Variants in CRISPLD1 observed in about 807,000 individuals in gnomAD.
CRISPLD1 encodes cysteine rich secretory protein LCCL domain containing 1.
CRISPLD1 carries 60 observed loss-of-function variants against 77.5 expected under a neutral mutation model. That is an observed-to-expected ratio of 0.77 (90% CI 0.63 to 0.96). The LOEUF is 0.96. Ranked by LOEUF, CRISPLD1 falls within the 40% of genes least tolerant of loss-of-function variation. The pLI is 0.00. For synonymous variants in CRISPLD1, 195 were observed against 200.1 expected (o/e 0.97, Z 0.22); for missense variants, 623 against 615.8 (o/e 1.01, Z -0.12).
chr8:75,010,658 C>T (rs1812913432), intron 2 of CRISPLD1, among the ~76,000 whole-genome samples: 1 of 151,844 alleles, frequency 6.6e-6, no homozygotes, highest in Non-Finnish European at 1.5e-5. Flanking sequence ...AAAATATCTT[C>T]TCTCTCTCAT....
intron 2 of CRISPLD1, among the ~76,000 whole-genome samples, chr8:74,987,486 CA>C (rs1390178503): frequency 6.6e-6 from 1 of 152,168 alleles, no homozygotes; most frequent in African/African-American, 2.4e-5. Flanking sequence ...AGCTCATTAG[CA>C]AACATACTTC....
In CRISPLD1 at chr8:74,984,517, CGCCTGGTTCTGCGCGT is replaced by C. The variant is rs1812464918; in HGVS notation, c.-465_-450del. The C allele has an allele frequency of 6.6e-6, 1 of 152,270 alleles. No homozygotes were observed. 9.4% of individuals were successfully genotyped at this position (152,270 alleles called of 1,614,324 possible). ...GCGAGAGAGCGACGGAAGCGCTAGG[CGCCTGGTTCTGCGCGT>C]ACTGGCTGTACGGAGCAGGAGCAAG... On this transcript the variant is annotated 5_prime_UTR_variant, in exon 1 of 15. Transcript: ENST00000262207.
intron 2 of CRISPLD1, among the ~76,000 whole-genome samples, chr8:74,994,025 C>T (rs148584501): frequency 1.3e-5 from 2 of 152,224 alleles, no homozygotes; most frequent in East Asian, 3.9e-4. Flanking sequence ...TGATAAGAAG[C>T]CATTTGAGGC....
chr8:74,997,065 G>T lies in CRISPLD1; in HGVS notation c.258+10820G>T, dbSNP rs144804165. Among the ~76,000 whole-genome samples the T allele has an allele frequency of 1.5e-3, 229 of 152,200 alleles. 1 individual carries two copies. Among genetic ancestry groups the T allele is most frequent in the African/African-American group, 5.4e-3 (224 of 41,538 alleles). On this transcript the variant is annotated intron_variant, in intron 2 of 14. Transcript: ENST00000262207. ...AGTGAATAAAAATTTGTTTTATTTT[G>T]AATGAAATGGAAAAGCACTGGACAG...
chr8:74,985,839 TC>T (rs1812486836), intron 1 of CRISPLD1, 86 bp from the exon 2 acceptor site: 2 of 863,892 alleles, frequency 2.3e-6, no homozygotes, highest in African/African-American at 1.7e-5. Flanking sequence ...CTGGCACACT[TC>T]CTTTGTAACT....
At chr8:75,010,487 AC>A (rs1427432187) in intron 2 of CRISPLD1, among the ~76,000 whole-genome samples, 2 of 151,984 alleles carry the variant, frequency 1.3e-5, no homozygotes, top group African/African-American at 4.8e-5. Flanking sequence ...AAAGTAACTC[AC>A]ATTTGTTTTC....
chr8:74,993,341 A>G lies in CRISPLD1; in HGVS notation c.258+7096A>G, dbSNP rs796540165. On this transcript the variant is annotated intron_variant, in intron 2 of 14. Coordinates refer to ENST00000262207, the MANE Select transcript of CRISPLD1 (RefSeq NM_031461.6). ...AATATTTTTATCTCTGACATATAGT[A>G]TCTGCACATACCTAAAGGTGTATGA... Among the ~76,000 whole-genome samples, 10 of 152,318 alleles carry G rather than the reference A, an allele frequency of 6.6e-5. No individual in the cohort carries two copies. The East Asian group carries it at 1.5e-3, about 23-fold the overall frequency.
At chr8:75,009,671 A>C (rs1812895708) in intron 2 of CRISPLD1, among the ~76,000 whole-genome samples, 1 of 152,054 alleles carries the variant, frequency 6.6e-6, no homozygotes, top group Admixed American at 6.6e-5. Flanking sequence ...TGGATTGCAG[A>C]CAATGATTTG....
intron 2 of CRISPLD1, 100 bp from the exon 3 acceptor site, chr8:75,012,333 A>G (rs1428688377): frequency 5.4e-6 from 4 of 734,986 alleles, no homozygotes; most frequent in Non-Finnish European, 9.5e-6. Context: ...TTGACTTTGT[A>G]AAGAAAGAAA....
intron 10 of CRISPLD1, 95 bp downstream of exon 10, chr8:75,017,545 GA>G: frequency 9.3e-7 from 1 of 1,073,862 alleles, no homozygotes; most frequent in Non-Finnish European, 1.3e-6. Flanking sequence ...AATAATTTAA[GA>G]AGAAAGAATT....
chr8:74,986,122 G>A lies in CRISPLD1; in HGVS notation c.135G>A (p.Glu45=), dbSNP rs754925160. ...LLEKYMDEDG[E]WWIAKQRGKR... Reference sequence around the variant, plus strand: ...AAAAATACATGGATGAGGATGGTGAGTGGTGGATAGCCAAACAACGAGGGA... The same window carrying A: ...AAAAATACATGGATGAGGATGGTGAATGGTGGATAGCCAAACAACGAGGGA... The change falls in exon 2 of 15, where the codon GAG becomes GAA. Residue 45 remains glutamate, a synonymous_variant. Transcript: ENST00000262207. The A allele has an allele frequency of 1.9e-5, 30 of 1,614,032 alleles. No homozygotes were observed. The highest frequency in any genetic ancestry group is 2.2e-5 in the East Asian group (1 of 44,892).
intron 2 of CRISPLD1, among the ~76,000 whole-genome samples, chr8:75,001,722 G>T (rs1812745246): frequency 6.6e-6 from 1 of 150,382 alleles, no homozygotes; most frequent in African/African-American, 2.4e-5. Context: ...ATTGATTTAA[G>T]CCTCAATTAT....
At position 75,034,111 on chromosome 8, in the gene CRISPLD1, T is replaced by G. The variant is rs1404566678; in HGVS notation, c.*1869T>G. 6.6e-6 allele frequency: 1 copy of G among 152,054 alleles called. No homozygotes were observed. The highest frequency in any genetic ancestry group is 1.5e-5 in the Non-Finnish European group (1 of 67,932). The allele number at this position is 152,054 out of a possible 1,614,324, so 9.4% of individuals were successfully genotyped here. On this transcript the variant is annotated 3_prime_UTR_variant, in exon 15 of 15. Transcript: ENST00000262207. ...CATTCCTTTTTAATACATTCGTATTTCCCAGCCCCAGAACCCTTGAAATTA... is the reference window on the plus strand; with the variant it reads ...CATTCCTTTTTAATACATTCGTATTGCCCAGCCCCAGAACCCTTGAAATTA...
intron 12 of CRISPLD1, among the ~76,000 whole-genome samples, chr8:75,024,485 C>T (rs534261415): frequency 9.2e-5 from 14 of 152,120 alleles, no homozygotes; most frequent in African/African-American, 1.4e-4. Context: ...GGACCATGCC[C>T]GGCTAATTTT....
At chr8:75,006,124 C>T (rs192275166) in intron 2 of CRISPLD1, among the ~76,000 whole-genome samples, 8 of 152,242 alleles carry the variant, frequency 5.3e-5, no homozygotes, top group African/African-American at 1.7e-4. Flanking sequence ...CTCTGTATGT[C>T]CATGCATGTG....
chr8:75,029,362 GC>G, intron 13 of CRISPLD1, 24 bp from the exon 14 acceptor site: 1 of 1,600,656 alleles, frequency 6.2e-7, no homozygotes, highest in Non-Finnish European at 8.5e-7. Flanking sequence ...TCCAATAATG[GC>G]AGTTTGTTTC....
chr8:75,017,371 G>C lies in CRISPLD1; in HGVS notation c.1048G>C (p.Gly350Arg). 1 of 1,611,012 alleles carries C rather than the reference G, an allele frequency of 6.2e-7. No individual in the cohort carries two copies. Among genetic ancestry groups the C allele is most frequent in the Non-Finnish European group, 8.5e-7 (1 of 1,178,560 alleles). ...TCATTATGGTATAATAGACAATGATGGTGGCTGGGTAGATATCACTAGACA... is the reference window on the plus strand; with the variant it reads ...TCATTATGGTATAATAGACAATGATCGTGGCTGGGTAGATATCACTAGACA... ...AIHYGIIDND[G>R]GWVDITRQGR... The change falls in exon 10 of 15, where the codon GGT becomes CGT. Residue 350 changes from glycine (G) to arginine (R), a missense_variant. Coordinates refer to ENST00000262207, the MANE Select transcript of CRISPLD1 (RefSeq NM_031461.6).
chr8:75,007,483 T>C (rs142166354), intron 2 of CRISPLD1, among the ~76,000 whole-genome samples: 2,152 of 152,144 alleles, frequency 0.014, 29 homozygotes, highest in South Asian at 0.066. Flanking sequence ...TTTATGTATC[T>C]AGATAGCTGC....
At position 74,986,078 on chromosome 8, in the gene CRISPLD1, T is replaced by G. The variant is rs1168967293; in HGVS notation, c.91T>G (p.Leu31Val). 4 of 1,614,042 alleles carry G rather than the reference T, an allele frequency of 2.5e-6. No homozygotes were observed. Among genetic ancestry groups the G allele is most frequent in the Admixed American group, 1.7e-5 (1 of 59,990 alleles). ...IPAMVVPNAT[L>V]LEKLLEKYMD... ...AGCCATGGTGGTTCCCAATGCCACTTTATTGGAGAAACTTTTGGAAAAATA... is the reference window on the plus strand; with the variant it reads ...AGCCATGGTGGTTCCCAATGCCACTGTATTGGAGAAACTTTTGGAAAAATA... The change falls in exon 2 of 15, where the codon TTA (leucine) becomes GTA (valine). Residue 31 changes from leucine (L) to valine (V), a missense_variant. Leu to Val is a conservative substitution (Grantham distance 32). Transcript: ENST00000262207.
Sources: gnomAD v4.1 joint callset for allele counts (sites outside exome capture counted in the v4.1 genomes callset) on GRCh38, gnomAD v4.1.1 for gene constraint, MANE v1.5 for transcripts, NCBI Gene and HGNC (gene_info 2026-07-23, HGNC 2026-07-21) for gene names.